Variants in TTLL6 observed in about 807,000 individuals in gnomAD.
TTLL6 encodes the protein tubulin tyrosine ligase like 6.
Under a neutral mutation model 96.4 loss-of-function variants are expected in TTLL6, and 75 were observed. That is an observed-to-expected ratio of 0.78 (90% confidence interval 0.65 to 0.94). The LOEUF (loss-of-function observed/expected upper bound fraction) is 0.94. TTLL6 is among the 40% of genes least tolerant of loss of function. The pLI is 0.00. For synonymous variants in TTLL6, 411 were observed against 419.4 expected, an observed-to-expected ratio of 0.98 and a Z score of 0.24; for missense variants, 1,030 against 1,093.0, an observed-to-expected ratio of 0.94 and a Z score of 0.81.
chr17:48,777,381 G>A (rs929097157), intron 13 of TTLL6, among the ~76,000 whole-genome samples: 5 of 152,070 alleles, frequency 3.3e-5, no homozygotes, highest in Non-Finnish European at 7.4e-5. Context: ...GATCACCTGA[G>A]GTCAGGAGTT....
intron 1 of TTLL6, among the ~76,000 whole-genome samples, chr17:48,811,980 C>T (rs558907918): frequency 2.0e-5 from 3 of 151,716 alleles, no homozygotes; most frequent in East Asian, 3.9e-4. Flanking sequence ...GGATTACAGG[C>T]GTGAGCCACC....
intron 5 of TTLL6, 69 bp from the exon 6 acceptor site, chr17:48,799,829 T>C (rs940009078): frequency 2.8e-6 from 4 of 1,406,738 alleles, no homozygotes; most frequent in Non-Finnish European, 3.9e-6. Flanking sequence ...GCTAGCCCTT[T>C]ATGAAGAAAA....
intron 8 of TTLL6, among the ~76,000 whole-genome samples, chr17:48,795,479 C>T (rs146671204): frequency 1.3e-5 from 2 of 152,138 alleles, no homozygotes; most frequent in Non-Finnish European, 2.9e-5. Flanking sequence ...ATTCTTCAGT[C>T]CCCCGTTTTC....
intron 13 of TTLL6, among the ~76,000 whole-genome samples, chr17:48,784,132 C>T (rs1306142080): frequency 6.6e-6 from 1 of 152,062 alleles, no homozygotes; most frequent in East Asian, 1.9e-4. Context: ...TGTAAAGATA[C>T]ACAGGGGAAG....
At chr17:48,763,563 G>A (rs939120088) in intron 15 of TTLL6, among the ~76,000 whole-genome samples, 1 of 152,174 alleles carries the variant, frequency 6.6e-6, no homozygotes, top group Non-Finnish European at 1.5e-5. Context: ...TTGGGAGGCT[G>A]AGGCAGGTGG....
intron 6 of TTLL6, 147 bp downstream of exon 6, chr17:48,799,457 C>T (rs1049597878): frequency 1.1e-5 from 9 of 782,856 alleles, no homozygotes; most frequent in East Asian, 2.7e-5. Context: ...CCGGTCAGAA[C>T]GTTTGGTCTG....
chr17:48,816,359 C>T (rs1004007479), intron 1 of TTLL6, among the ~76,000 whole-genome samples: 2 of 151,476 alleles, frequency 1.3e-5, no homozygotes, highest in African/African-American at 4.9e-5. Context: ...TGGAGTGCCT[C>T]GCACATACTG....
chr17:48,785,351 G>C (rs2039071063), intron 12 of TTLL6, 150 bp from the exon 13 acceptor site: 1 of 1,133,128 alleles, frequency 8.8e-7, no homozygotes, highest in Non-Finnish European at 1.2e-6. Context: ...CTCTCAACTT[G>C]GAATTCTGGG....
chr17:48,780,495 TTAAA>T (rs1167768868), intron 13 of TTLL6, among the ~76,000 whole-genome samples: 1 of 152,212 alleles, frequency 6.6e-6, no homozygotes, highest in African/African-American at 2.4e-5. Context: ...AAATTGTGGT[TTAAA>T]TAAATAAATA....
chr17:48,791,483 A>T lies in TTLL6; in HGVS notation c.1119T>A (p.His373Gln). The change falls in exon 9 of 16, where the codon CAT (histidine) becomes CAA (glutamine). Residue 373 changes from histidine (H) to glutamine (Q), a missense_variant. Transcript: ENST00000393382. ...TLISAHPIIRHNYHTCFPNHT... is the reference protein window; with the variant it reads ...TLISAHPIIRQNYHTCFPNHT... ...GGTTGGGGAAGCAGGTGTGGTAGTTATGCCTGATGATGGGGTGGGCCGAGA... is the reference window on the plus strand; with the variant it reads ...GGTTGGGGAAGCAGGTGTGGTAGTTTTGCCTGATGATGGGGTGGGCCGAGA... 6.2e-7 allele frequency: 1 copy of T among 1,614,182 alleles called. No homozygotes were observed. The highest frequency in any genetic ancestry group is 8.5e-7 in the Non-Finnish European group (1 of 1,180,028).
In TTLL6 at chr17:48,769,986, T is replaced by C; in HGVS notation, c.2152A>G (p.Thr718Ala). The C allele has an allele frequency of 6.2e-7, 1 of 1,614,128 alleles. No individual in the cohort carries two copies. The highest frequency in any genetic ancestry group is 8.5e-7 in the Non-Finnish European group (1 of 1,180,034). Reference sequence around the variant, plus strand: ...CATTTAAAGGATACCACCCTGTCCGTCTCTGGGCCACTGTACTCAGAGCTG... The same window carrying C: ...CATTTAAAGGATACCACCCTGTCCGCCTCTGGGCCACTGTACTCAGAGCTG... ...TASSEYSGPE[T>A]DRVVSFKCKK... The change falls in exon 14 of 16, where the codon ACG (threonine) becomes GCG (alanine). Residue 718 changes from threonine (T) to alanine (A), a missense_variant. Coordinates refer to ENST00000393382, the MANE Select transcript of TTLL6 (RefSeq NM_001130918.3).
At chr17:48,781,491 T>A (rs981993057) in intron 13 of TTLL6, among the ~76,000 whole-genome samples, 2 of 152,196 alleles carry the variant, frequency 1.3e-5, no homozygotes, top group Non-Finnish European at 2.9e-5. Flanking sequence ...TTAAAAGTAA[T>A]GACCATCCTA....
chr17:48,807,771 C>CA (rs1362088423), intron 1 of TTLL6, among the ~76,000 whole-genome samples: 1 of 152,136 alleles, frequency 6.6e-6, no homozygotes, highest in Non-Finnish European at 1.5e-5. Context: ...CTCTGCCTCT[C>CA]AAAGAGTTGA....
At chr17:48,803,626 G>A (rs991041458) in intron 3 of TTLL6, among the ~76,000 whole-genome samples, 2 of 152,292 alleles carry the variant, frequency 1.3e-5, no homozygotes, top group South Asian at 4.1e-4. Flanking sequence ...AGCAACAGCT[G>A]TCTCTTTTAC....
At position 48,774,696 on chromosome 17, in the gene TTLL6, T is replaced by A. The variant is rs1176263953; in HGVS notation, c.2041-4599A>T. On this transcript the variant is annotated intron_variant, in intron 13 of 15. Coordinates refer to ENST00000393382, the MANE Select transcript of TTLL6 (RefSeq NM_001130918.3). Reference sequence around the variant, plus strand: ...CTCAAAAACCACAAACTGCCGAAATTCATTCAAAATAAAATAAGTTATTTG... The same window carrying A: ...CTCAAAAACCACAAACTGCCGAAATACATTCAAAATAAAATAAGTTATTTG... Among the ~76,000 whole-genome samples the A allele has an allele frequency of 2.6e-5, 4 of 152,118 alleles. No homozygotes were observed. In the East Asian group the frequency reaches 7.7e-4, roughly 29 times the overall value.
intron 2 of TTLL6, chr17:48,804,446 C>A (rs1450137949): frequency 3.9e-6 from 2 of 513,464 alleles, no homozygotes; most frequent in Non-Finnish European, 7.5e-6. Context: ...ATACTGAAGG[C>A]GTACTAAATT....
At chr17:48,800,593 A>G (rs2039392295) in intron 5 of TTLL6, among the ~76,000 whole-genome samples, 1 of 152,174 alleles carries the variant, frequency 6.6e-6, no homozygotes, top group African/African-American at 2.4e-5. Flanking sequence ...GGTTTTGGAA[A>G]GCACTGGGTG....
chr17:48,780,982 C>T (rs1484301188), intron 13 of TTLL6, among the ~76,000 whole-genome samples: 2 of 151,728 alleles, frequency 1.3e-5, no homozygotes, highest in Non-Finnish European at 1.5e-5. Context: ...TTTTGAGATC[C>T]TGTTTTCAAT....
Position 48,796,166 on chromosome 17 carries a change from T to C in TTLL6, c.913-20A>G. 1 of 1,545,282 alleles carries C rather than the reference T, an allele frequency of 6.5e-7. No homozygotes were observed. Among genetic ancestry groups the C allele is most frequent in the Non-Finnish European group, 8.8e-7 (1 of 1,141,536 alleles). On this transcript the variant is annotated intron_variant, in intron 7 of 15. Transcript: ENST00000393382. The stretch of plus-strand genomic sequence containing the variant: ...ATCATCCTGGGGAAAAAGACACACA[T>C]CTGTCGGGTCAGCTCGGAAGGGCAG...
Sources: gnomAD v4.1 joint callset for allele counts (sites outside exome capture counted in the v4.1 genomes callset) on GRCh38, gnomAD v4.1.1 for gene constraint, MANE v1.5 for transcripts, NCBI Gene and HGNC (gene_info 2026-07-23, HGNC 2026-07-21) for gene names.